The following RBFOX1 variants were observed in gnomAD, a reference collection of about 807,000 sequenced individuals.
RBFOX1 encodes the protein RNA binding fox-1 homolog 1.
Under a neutral mutation model 57.7 loss-of-function variants are expected in RBFOX1, and 8 were observed. The observed-to-expected ratio is 0.14, with a 90% CI of 0.08 to 0.25. RBFOX1 has a LOEUF of 0.25. Ranked by LOEUF, RBFOX1 falls within the 10% of genes least tolerant of loss-of-function variation. The pLI, the probability that RBFOX1 is intolerant of heterozygous loss-of-function variation, is 1.00. For missense variants in RBFOX1, 611 were observed against 548.5 expected, an observed-to-expected ratio of 1.11 and a Z score of -1.14; for synonymous variants, 326 against 222.4, an observed-to-expected ratio of 1.47 and a Z score of -4.15.
At chr16:7,211,414 T>C (rs2091117254) in intron 4 of RBFOX1, among the ~76,000 whole-genome samples, 1 of 107,456 alleles carries the variant, frequency 9.3e-6, no homozygotes, top group African/African-American at 3.7e-5. Flanking sequence ...AAAAAAAAAT[T>C]GGACTCTGGT....
chr16:7,381,835 G>A (rs1180057311), intron 4 of RBFOX1, among the ~76,000 whole-genome samples: 1 of 151,992 alleles, frequency 6.6e-6, no homozygotes, highest in Admixed American at 6.6e-5. Flanking sequence ...CTCTATGTGG[G>A]GACTGCTGAG....
At chr16:7,518,620 G>A (rs75096072) in intron 5 of RBFOX1, among the ~76,000 whole-genome samples, 5,426 of 152,226 alleles carry the variant, frequency 0.036, 342 homozygotes, top group African/African-American at 0.12. Flanking sequence ...TTGTAAAGGG[G>A]CACATTTATC....
chr16:7,586,631 A>T (rs561969248), intron 6 of RBFOX1, among the ~76,000 whole-genome samples: 4 of 152,304 alleles, frequency 2.6e-5, no homozygotes, highest in African/African-American at 7.2e-5. Flanking sequence ...CATAGAGCCT[A>T]TTCATGCTAG....
intron 14 of RBFOX1, among the ~76,000 whole-genome samples, chr16:7,684,720 A>G (rs996936864): frequency 6.6e-6 from 1 of 151,940 alleles, no homozygotes; most frequent in Non-Finnish European, 1.5e-5. Flanking sequence ...AGAATGTATT[A>G]AGAGATGAAG....
At chr16:6,422,077 C>T (rs1041544581) in intron 2 of RBFOX1, among the ~76,000 whole-genome samples, 11 of 151,818 alleles carry the variant, frequency 7.2e-5, no homozygotes, top group South Asian at 2.1e-4. Context: ...AGTACCACCA[C>T]GCCTGGCTAA....
At chr16:5,502,986 A>G (rs946287719) in intron 2 of RBFOX1, among the ~76,000 whole-genome samples, 4 of 152,228 alleles carry the variant, frequency 2.6e-5, no homozygotes, top group Non-Finnish European at 4.4e-5. Flanking sequence ...AGACGTGTCC[A>G]ATACACATCT....
chr16:6,065,589 A>T (rs987495169), intron 1 of RBFOX1, among the ~76,000 whole-genome samples: 4 of 152,162 alleles, frequency 2.6e-5, no homozygotes, highest in African/African-American at 9.7e-5. Flanking sequence ...CTTAGCAGAT[A>T]CAGAAACAAA....
intron 3 of RBFOX1, among the ~76,000 whole-genome samples, chr16:6,921,354 C>G (rs1352228293): frequency 6.6e-6 from 1 of 152,166 alleles, no homozygotes; most frequent in South Asian, 2.1e-4. Flanking sequence ...GTTGTGTTCA[C>G]ATTTGGAGGC....
At chr16:7,105,779 T>A (rs1335488439) in intron 4 of RBFOX1, among the ~76,000 whole-genome samples, 7 of 96,522 alleles carry the variant, frequency 7.3e-5, no homozygotes, top group Admixed American at 6.1e-4. Flanking sequence ...TCTATGTAGA[T>A]GTATATAGAG....
At chr16:7,702,639 T>C (rs566058686) in intron 14 of RBFOX1, among the ~76,000 whole-genome samples, 1 of 152,332 alleles carries the variant, frequency 6.6e-6, no homozygotes, top group African/African-American at 2.4e-5. Flanking sequence ...CTTCTGGTCT[T>C]GTTCTTTCTT....
chr16:6,161,817 T>G (rs2096881478), intron 1 of RBFOX1, among the ~76,000 whole-genome samples: 1 of 152,210 alleles, frequency 6.6e-6, no homozygotes, highest in Non-Finnish European at 1.5e-5. Context: ...CAACAGATAC[T>G]TTTCTTTTGT....
intron 4 of RBFOX1, among the ~76,000 whole-genome samples, chr16:7,104,449 G>C (rs898116361): frequency 6.6e-6 from 1 of 152,094 alleles, no homozygotes; most frequent in South Asian, 2.1e-4. Flanking sequence ...GAGGGAAATT[G>C]ATTCTAATTC....
intron 3 of RBFOX1, among the ~76,000 whole-genome samples, chr16:6,853,996 C>A (rs905805628): frequency 5.3e-5 from 8 of 152,142 alleles, no homozygotes; most frequent in African/African-American, 1.9e-4. Flanking sequence ...TATTAGTCTG[C>A]AGGCCAGAAA....
chr16:6,600,655 C>T (rs1326632692), intron 2 of RBFOX1, among the ~76,000 whole-genome samples: 6 of 152,174 alleles, frequency 3.9e-5, no homozygotes, highest in African/African-American at 1.2e-4. Context: ...CATCTGAATC[C>T]ACCTAAATAT....
chr16:6,599,927 C>T (rs1360083258), intron 2 of RBFOX1, among the ~76,000 whole-genome samples: 1 of 152,112 alleles, frequency 6.6e-6, no homozygotes, highest in South Asian at 2.1e-4. Context: ...AAGTGTTAAC[C>T]CACAATCAAC....
intron 3 of RBFOX1, among the ~76,000 whole-genome samples, chr16:6,791,432 C>A (rs930857951): frequency 6.6e-6 from 1 of 152,052 alleles, no homozygotes; most frequent in Non-Finnish European, 1.5e-5. Context: ...GGGCCCCTTC[C>A]TAAAAAATTG....
rs561972825 is a variant in RBFOX1 at position 6,678,123 on chromosome 16, G to C, written c.-16+23473G>C. Among the ~76,000 whole-genome samples, 4 of 152,244 alleles carry C rather than the reference G, an allele frequency of 2.6e-5. No individual in the cohort carries two copies. In the East Asian group the frequency reaches 7.7e-4, roughly 29 times the overall value. On this transcript the variant is annotated intron_variant, in intron 3 of 15. Coordinates refer to ENST00000550418, the MANE Select transcript of RBFOX1 (RefSeq NM_018723.4). ...CTACTTAAATTAAAAGTTTTGTTTT[G>C]TTTTGTTGTGTTGTGTTTGAGACGG...
rs199690584 is a variant in RBFOX1 at position 6,060,122 on chromosome 16, G to GTTTTTTTTTTTTTTTTTTTTTT, written c.-127+40145_-127+40166dup. On this transcript the variant is annotated intron_variant, in intron 1 of 15. Coordinates refer to ENST00000550418, the MANE Select transcript of RBFOX1 (RefSeq NM_018723.4). ...ATTTGGCCCTAAAATTAGGATTAGG[G>GTTTTTTTTTTTTTTTTTTTTTT]TTTTTTTTTTTTTTTTTTTTTTTTT... is the stretch of plus-strand genomic sequence containing the variant. Among the ~76,000 whole-genome samples the GTTTTTTTTTTTTTTTTTTTTTT allele has an allele frequency of 4.1e-4, 47 of 114,186 alleles. 2 individuals carry two copies. The highest frequency in any genetic ancestry group is 7.9e-4 in the East Asian group (3 of 3,784). 74.9% of individuals were successfully genotyped at this position (114,186 alleles called of 152,430 possible).
chr16:6,365,301 T>G (rs2089383313), intron 2 of RBFOX1, among the ~76,000 whole-genome samples: 1 of 149,868 alleles, frequency 6.7e-6, no homozygotes, highest in African/African-American at 2.5e-5. Context: ...AATGGATGGG[T>G]GGATGGATGT....
Sources: gnomAD v4.1 joint callset for allele counts (sites outside exome capture counted in the v4.1 genomes callset) on GRCh38, gnomAD v4.1.1 for gene constraint, MANE v1.5 for transcripts, NCBI Gene and HGNC (gene_info 2026-07-23, HGNC 2026-07-21) for gene names.